The following ZNF704 variants were observed in gnomAD, a reference collection of about 807,000 sequenced individuals.
The protein encoded by ZNF704 is zinc finger protein 704, also known as glucocorticoid induced gene 1.
Under a neutral mutation model 44.7 loss-of-function variants are expected in ZNF704, and 10 were observed. That is an observed-to-expected ratio of 0.22 (90% confidence interval 0.14 to 0.38). The LOEUF (loss-of-function observed/expected upper bound fraction) is 0.38, where lower values mean the gene tolerates loss of function less well. Among genes scored for constraint, ZNF704 ranks in the 10% least tolerant of loss-of-function variants. The probability of loss-of-function intolerance (pLI) is 1.00; values close to 1 mark genes in which losing one functional copy is unlikely to be tolerated. For synonymous variants in ZNF704, 211 were observed against 207.6 expected, an observed-to-expected ratio of 1.02 and a Z score of -0.14; for missense variants, 390 against 545.5, an observed-to-expected ratio of 0.71 and a Z score of 2.84.
At chr8:80,873,213 G>A (rs927679160) in intron 1 of ZNF704, among the ~76,000 whole-genome samples, 2 of 152,206 alleles carry the variant, frequency 1.3e-5, no homozygotes, top group East Asian at 1.9e-4. Flanking sequence ...GCACGAACCG[G>A]CGCCTCCGTG....
At chr8:80,710,024 T>A (rs1818960361) in intron 2 of ZNF704, among the ~76,000 whole-genome samples, 1 of 152,184 alleles carries the variant, frequency 6.6e-6, no homozygotes, top group South Asian at 2.1e-4. Flanking sequence ...TTTGCCAGCT[T>A]CCCTGAGGAC....
intron 7 of ZNF704, among the ~76,000 whole-genome samples, chr8:80,655,973 G>A (rs1403219022): frequency 6.6e-6 from 1 of 152,190 alleles, no homozygotes; most frequent in African/African-American, 2.4e-5. Context: ...TAGATCGAAT[G>A]TTTGTGTCCC....
chr8:80,750,617 G>A (rs1382815961), intron 2 of ZNF704, among the ~76,000 whole-genome samples: 1 of 151,742 alleles, frequency 6.6e-6, no homozygotes, highest in Non-Finnish European at 1.5e-5. Flanking sequence ...CTGGGTTCAC[G>A]CCATTCTCCT....
At position 80,813,860 on chromosome 8, in the gene ZNF704, T is replaced by C. The variant is rs144365151; in HGVS notation, c.221+7514A>G. Among the ~76,000 whole-genome samples the C allele has an allele frequency of 5.3e-4, 80 of 151,772 alleles. No individual in the cohort carries two copies. The East Asian group carries it at 0.015, about 28-fold the overall frequency. ...TGCCACTGCACTCCAGCCTGGGCAA[T>C]AGAGCAAGACTCTGTCTCAAAAAAA... On this transcript the variant is annotated intron_variant, in intron 2 of 8. Coordinates refer to ENST00000327835, the MANE Select transcript of ZNF704 (RefSeq NM_001033723.3).
chr8:80,759,083 T>C (rs1438334927), intron 2 of ZNF704, among the ~76,000 whole-genome samples: 2 of 152,138 alleles, frequency 1.3e-5, no homozygotes, highest in African/African-American at 2.4e-5. Context: ...AAAACATTCA[T>C]CCATTCAGCA....
chr8:80,771,643 C>G (rs540610258), intron 2 of ZNF704, among the ~76,000 whole-genome samples: 4 of 152,190 alleles, frequency 2.6e-5, no homozygotes, highest in Non-Finnish European at 5.9e-5. Flanking sequence ...ATTTTATCTA[C>G]AAATAGGGAC....
chr8:80,636,493 C>T lies in ZNF704; in HGVS notation c.*4873G>A, dbSNP rs1817664629. On this transcript the variant is annotated 3_prime_UTR_variant, in exon 9 of 9. Coordinates refer to ENST00000327835, the MANE Select transcript of ZNF704 (RefSeq NM_001033723.3). ...CATTACTCAGTGATACAACTGGTAC[C>T]TAAAAAAAGTGCTAATCTCATTTTA... is the stretch of plus-strand genomic sequence containing the variant. The T allele has an allele frequency of 6.6e-6, 1 of 152,118 alleles. No individual in the cohort carries two copies. The highest frequency in any genetic ancestry group is 1.5e-5 in the Non-Finnish European group (1 of 68,028). 9.4% of individuals were successfully genotyped at this position (152,118 alleles called of 1,614,324 possible). A position where few individuals can be genotyped will look rare whatever the true frequency, so the allele number is the denominator to read the frequency against.
intron 1 of ZNF704, among the ~76,000 whole-genome samples, chr8:80,853,723 A>G (rs1808910911): frequency 6.6e-6 from 1 of 152,186 alleles, no homozygotes; most frequent in Non-Finnish European, 1.5e-5. Flanking sequence ...TTGTTCTTTC[A>G]TCTTCTATTC....
the ZNF704 span, among the ~76,000 whole-genome samples, chr8:80,880,311 G>T: frequency 6.6e-6 from 1 of 152,154 alleles, no homozygotes; most frequent in Non-Finnish European, 1.5e-5. Flanking sequence ...GTGATGGATG[G>T]CCTGCACCAA....
chr8:80,640,910 C>G lies in ZNF704; in HGVS notation c.*456G>C. 1 of 153,802 alleles carries G rather than the reference C, an allele frequency of 6.5e-6. No homozygotes were observed. The highest frequency in any genetic ancestry group is 1.9e-4 in the East Asian group (1 of 5,226). 9.5% of individuals were successfully genotyped at this position (153,802 alleles called of 1,614,324 possible). Reference sequence around the variant, plus strand: ...AAGATACGGAAAAGATTATTCACAACAAAAGTAAGTATTGATCTTTGTACA... The same window carrying G: ...AAGATACGGAAAAGATTATTCACAAGAAAAGTAAGTATTGATCTTTGTACA... On this transcript the variant is annotated 3_prime_UTR_variant, in exon 9 of 9. Coordinates refer to ENST00000327835, the MANE Select transcript of ZNF704 (RefSeq NM_001033723.3).
chr8:80,675,139 A>G (rs1023319209), intron 4 of ZNF704, among the ~76,000 whole-genome samples: 6 of 152,244 alleles, frequency 3.9e-5, no homozygotes, highest in African/African-American at 1.2e-4. Context: ...TTTCAGATAT[A>G]GCATGAGGCC....
In ZNF704 at chr8:80,862,597, C is replaced by CAAAAAA. The variant is rs10523461; in HGVS notation, c.-22+11968_-22+11973dup. On this transcript the variant is annotated intron_variant, in intron 1 of 8. Coordinates refer to ENST00000327835, the MANE Select transcript of ZNF704 (RefSeq NM_001033723.3). ...CAACATGATGAAAACTTGTCTCTAC[C>CAAAAAA]AAAAAAAAAAAAAAAAAATTAGTCA... Among the ~76,000 whole-genome samples, 54 of 100,088 alleles carry CAAAAAA rather than the reference C, an allele frequency of 5.4e-4. 2 individuals are homozygous for CAAAAAA. The highest frequency in any genetic ancestry group is 1.2e-3 in the African/African-American group (28 of 23,168). The allele number at this position is 100,088 out of a possible 152,430, so 65.7% of individuals were successfully genotyped here. A position where few individuals can be genotyped will look rare whatever the true frequency, so the allele number is the denominator to read the frequency against.
chr8:80,733,999 T>C (rs1321140217), intron 2 of ZNF704, among the ~76,000 whole-genome samples: 2 of 152,206 alleles, frequency 1.3e-5, no homozygotes, highest in African/African-American at 4.8e-5. Flanking sequence ...TCTGATAGTA[T>C]AACTTATTCA....
chr8:80,799,570 C>T (rs1264367072), intron 2 of ZNF704, among the ~76,000 whole-genome samples: 1 of 152,092 alleles, frequency 6.6e-6, no homozygotes, highest in Non-Finnish European at 1.5e-5. Context: ...TCCTACAGGA[C>T]AGTGGCTTGA....
At chr8:80,810,996 T>C (rs1474529139) in intron 2 of ZNF704, among the ~76,000 whole-genome samples, 1 of 152,184 alleles carries the variant, frequency 6.6e-6, no homozygotes, top group Non-Finnish European at 1.5e-5. Context: ...TCCTGTGTGT[T>C]AGAGTAGGAA....
intron 2 of ZNF704, among the ~76,000 whole-genome samples, chr8:80,762,485 T>A (rs1206468415): frequency 6.6e-6 from 1 of 151,928 alleles, no homozygotes; most frequent in Non-Finnish European, 1.5e-5. Context: ...AACCATCAGA[T>A]CTCATGAGAA....
intron 4 of ZNF704, among the ~76,000 whole-genome samples, chr8:80,680,366 T>A (rs1194142573): frequency 2.6e-5 from 4 of 151,420 alleles, no homozygotes; most frequent in African/African-American, 4.9e-5. Flanking sequence ...TTCAGGTATT[T>A]TTTTTTTTTT....
intron 2 of ZNF704, among the ~76,000 whole-genome samples, chr8:80,704,994 A>C (rs980231348): frequency 2.0e-5 from 3 of 152,136 alleles, no homozygotes; most frequent in African/African-American, 7.2e-5. Context: ...TGGCATCACA[A>C]GTGGGGAATT....
rs1470054458 is a variant in ZNF704, at chr8:80,742,144, A to G, written c.222-49037T>C. On this transcript the variant is annotated intron_variant, in intron 2 of 8. Coordinates refer to ENST00000327835, the MANE Select transcript of ZNF704 (RefSeq NM_001033723.3). ...GTCTTACACTGCCGGGGTCATCAGA[A>G]AGGAAAGGAAAGGGAAATAGAAGGG... is the stretch of plus-strand genomic sequence containing the variant. Among the ~76,000 whole-genome samples, 12 of 152,260 alleles carry G rather than the reference A, an allele frequency of 7.9e-5. 1 individual carries two copies. In the South Asian group the frequency reaches 2.5e-3, roughly 32 times the overall value.
Sources: allele counts gnomAD v4.1 joint callset (sites outside exome capture counted in the v4.1 genomes callset), GRCh38; gene constraint gnomAD v4.1.1; transcripts MANE v1.5; gene names NCBI Gene and HGNC (gene_info 2026-07-23, HGNC 2026-07-21).